PPP1CC: variants seen among roughly 807,000 people sequenced by gnomAD.
The protein encoded by PPP1CC is protein phosphatase 1 catalytic subunit gamma.
PPP1CC carries 16 observed loss-of-function variants against 38.4 expected under a neutral mutation model. The observed-to-expected ratio is 0.42, with a 90% CI of 0.28 to 0.63. PPP1CC has a LOEUF of 0.63. Ranked by LOEUF, PPP1CC falls within the 30% of genes least tolerant of loss-of-function variation. PPP1CC has a pLI of 0.25. For synonymous variants in PPP1CC, 158 were observed against 136.0 expected (o/e 1.16, Z -1.13); for missense variants, 170 against 391.3 (o/e 0.43, Z 4.77).
At chr12:110,728,148 C>T (rs566788944) in intron 3 of PPP1CC, among the ~76,000 whole-genome samples, 1 of 152,130 alleles carries the variant, frequency 6.6e-6, no homozygotes, top group Non-Finnish European at 1.5e-5. Flanking sequence ...GCCTGTAATC[C>T]CAGCACTTTG....
chr12:110,721,855 C>G, intron 6 of PPP1CC: 1 of 456,748 alleles, frequency 2.2e-6, no homozygotes, highest in East Asian at 3.2e-5. Flanking sequence ...ATTACATTGT[C>G]ATTAAGGTTT....
chr12:110,731,959 G>A, intron 1 of PPP1CC, 58 bp from the exon 2 acceptor site: 1 of 1,573,754 alleles, frequency 6.4e-7, no homozygotes, highest in Non-Finnish European at 8.7e-7. Flanking sequence ...TACAATACGA[G>A]ATTTAGATAA....
At position 110,720,247 on chromosome 12, in the gene PPP1CC, AT is replaced by A. The variant is rs2069723227; in HGVS notation, c.*828del. On this transcript the variant is annotated 3_prime_UTR_variant, in exon 7 of 7. Coordinates refer to ENST00000335007, the MANE Select transcript of PPP1CC (RefSeq NM_002710.4). Reference sequence around the variant, plus strand: ...AATGAATAGACTATATGGAAATTGTATAAAATGTTATTACCTTTTATCGTTA... The same window carrying A: ...AATGAATAGACTATATGGAAATTGTAAAAATGTTATTACCTTTTATCGTTA... 6.8e-7 allele frequency: 1 copy of A among 1,459,868 alleles called. No homozygotes were observed. Among genetic ancestry groups the A allele is most frequent in the Non-Finnish European group, 9.3e-7 (1 of 1,079,024 alleles). The allele number at this position is 1,459,868 out of a possible 1,614,324, so 90.4% of individuals were successfully genotyped here.
At chr12:110,729,385 A>G (rs563444158) in intron 3 of PPP1CC, among the ~76,000 whole-genome samples, 5 of 151,890 alleles carry the variant, frequency 3.3e-5, no homozygotes, top group African/African-American at 7.3e-5. Flanking sequence ...AGTAGAGATG[A>G]GGTTTCCTCA....
chr12:110,716,155 C>A (rs2069685417), downstream of PPP1CC, among the ~76,000 whole-genome samples: 1 of 152,182 alleles, frequency 6.6e-6, no homozygotes, highest in Non-Finnish European at 1.5e-5. Context: ...CACAACCCCT[C>A]AATCTCAAGC....
intron 1 of PPP1CC, chr12:110,734,642 A>G (rs960853902): frequency 6.5e-6 from 1 of 153,666 alleles, no homozygotes; most frequent in African/African-American, 2.4e-5. Flanking sequence ...TGCCCAGCCC[A>G]GACTATATAC....
the PPP1CC span, among the ~76,000 whole-genome samples, chr12:110,711,036 C>A: frequency 6.6e-6 from 1 of 150,974 alleles, no homozygotes; most frequent in Non-Finnish European, 1.5e-5. Flanking sequence ...ATTAGCCAGG[C>A]ATGGTGGCAT....
intron 1 of PPP1CC, among the ~76,000 whole-genome samples, chr12:110,738,710 C>G (rs969690604): frequency 6.6e-6 from 1 of 152,198 alleles, no homozygotes; most frequent in Non-Finnish European, 1.5e-5. Context: ...GTGTCACATC[C>G]CCCGCAAGCA....
chr12:110,711,537 G>A, the PPP1CC span, among the ~76,000 whole-genome samples: 7 of 152,166 alleles, frequency 4.6e-5, no homozygotes, highest in South Asian at 2.1e-4. Flanking sequence ...GTACGCACAC[G>A]GGCTCTTAAG....
the PPP1CC span, among the ~76,000 whole-genome samples, chr12:110,713,577 G>A: frequency 6.6e-6 from 1 of 152,120 alleles, no homozygotes; most frequent in Non-Finnish European, 1.5e-5. Context: ...ACACAGGCCT[G>A]TATGTAGCAG....
At chr12:110,714,382 C>A in the PPP1CC span, among the ~76,000 whole-genome samples, 1 of 151,998 alleles carries the variant, frequency 6.6e-6, no homozygotes, top group African/African-American at 2.4e-5. Flanking sequence ...ATCCAGCTAA[C>A]CCTGTGATCC....
At chr12:110,713,729 G>A in the PPP1CC span, among the ~76,000 whole-genome samples, 1 of 152,108 alleles carries the variant, frequency 6.6e-6, no homozygotes, top group Non-Finnish European at 1.5e-5. Context: ...TTTGTTTGAT[G>A]GGTTCCACCT....
chr12:110,721,444 C>A (rs1393495281), intron 6 of PPP1CC: 1 of 246,756 alleles, frequency 4.1e-6, no homozygotes, highest in Non-Finnish European at 7.8e-6. Flanking sequence ...TTTAGCTACT[C>A]CTTCTGATAC....
chr12:110,738,447 A>T (rs2136567594), intron 1 of PPP1CC, among the ~76,000 whole-genome samples: 1 of 152,330 alleles, frequency 6.6e-6, no homozygotes, highest in African/African-American at 2.4e-5. Context: ...TTGTAAATTA[A>T]GTTAAATGGT....
intron 1 of PPP1CC, among the ~76,000 whole-genome samples, chr12:110,736,710 T>C (rs189833306): frequency 2.0e-4 from 31 of 152,290 alleles, no homozygotes; most frequent in African/African-American, 6.3e-4. Flanking sequence ...TCATAAGCAA[T>C]ACTAACTTTT....
chr12:110,740,781 C>A (rs2070008897), intron 1 of PPP1CC, among the ~76,000 whole-genome samples: 1 of 152,126 alleles, frequency 6.6e-6, no homozygotes, highest in Admixed American at 6.5e-5. Flanking sequence ...TTAACAAAAG[C>A]TGTTTATGAA....
At chr12:110,732,228 G>A in intron 1 of PPP1CC, 4 of 413,616 alleles carry the variant, frequency 9.7e-6, no homozygotes, top group Admixed American at 4.2e-5. Flanking sequence ...AGGGTGAGGC[G>A]GGCAGATCAT....
intron 1 of PPP1CC, among the ~76,000 whole-genome samples, chr12:110,736,856 A>G (rs1049446297): frequency 6.6e-6 from 1 of 152,238 alleles, no homozygotes; most frequent in Admixed American, 6.5e-5. Context: ...GTTTAAATAA[A>G]AACATATTAA....
At chr12:110,735,667 A>G (rs546130800) in intron 1 of PPP1CC, among the ~76,000 whole-genome samples, 1 of 151,756 alleles carries the variant, frequency 6.6e-6, no homozygotes, top group South Asian at 2.1e-4. Flanking sequence ...CTGTAACCCC[A>G]GCTACACAGG....
Sources: gnomAD v4.1 joint callset for allele counts (sites outside exome capture counted in the v4.1 genomes callset) on GRCh38, gnomAD v4.1.1 for gene constraint, MANE v1.5 for transcripts, NCBI Gene and HGNC (gene_info 2026-07-23, HGNC 2026-07-21) for gene names.